DOCK3: variants seen among roughly 807,000 people sequenced by gnomAD.
The protein encoded by DOCK3 is dedicator of cytokinesis protein 3.
In DOCK3, 60 loss-of-function variants were observed where a neutral mutation model predicts 265.6. The ratio of observed to expected loss-of-function variants is 0.23; its 90% confidence interval spans 0.18 to 0.28. The LOEUF is 0.28. Ranked by LOEUF, DOCK3 falls within the 10% of genes least tolerant of loss-of-function variation. DOCK3 has a pLI of 1.00. For synonymous variants in DOCK3, 881 were observed against 938.0 expected (o/e 0.94, Z 1.11); for missense variants, 1,981 against 2,594.3 (o/e 0.76, Z 5.14).
intron 27 of DOCK3, among the ~76,000 whole-genome samples, chr3:51,292,498 G>A (rs2081840570): frequency 6.6e-6 from 1 of 152,114 alleles, no homozygotes; most frequent in Non-Finnish European, 1.5e-5. Context: ...CAAGCCAGGT[G>A]TGGTGGCTCA....
chr3:51,048,584 C>T (rs185245731), intron 5 of DOCK3, among the ~76,000 whole-genome samples: 45 of 152,222 alleles, frequency 3.0e-4, no homozygotes, highest in Admixed American at 1.6e-3. Flanking sequence ...ATGCAGGAAA[C>T]GAAGTTTGTT....
intron 12 of DOCK3, among the ~76,000 whole-genome samples, chr3:51,164,717 A>G (rs2086301815): frequency 2.0e-5 from 3 of 152,018 alleles, no homozygotes; most frequent in Admixed American, 1.3e-4. Context: ...TACACCTACT[A>G]TGTACCCACA....
At chr3:51,006,876 T>C (rs1024184055) in intron 5 of DOCK3, among the ~76,000 whole-genome samples, 2 of 152,192 alleles carry the variant, frequency 1.3e-5, no homozygotes, top group Admixed American at 1.3e-4. Context: ...ATGCGGTATT[T>C]GGTTTTCTGT....
At chr3:50,904,302 G>A (rs1255924521) in intron 4 of DOCK3, among the ~76,000 whole-genome samples, 1 of 152,160 alleles carries the variant, frequency 6.6e-6, no homozygotes, top group Non-Finnish European at 1.5e-5. Flanking sequence ...TGGGTCAGAT[G>A]GTATTTCTAG....
intron 11 of DOCK3, 95 bp downstream of exon 11, chr3:51,159,399 C>T (rs1238046099): frequency 2.6e-6 from 3 of 1,155,110 alleles, no homozygotes; most frequent in East Asian, 2.4e-5. Context: ...CTAGATCTTA[C>T]CTGTAATTTC....
At chr3:51,198,946 T>C (rs1296112942) in intron 12 of DOCK3, among the ~76,000 whole-genome samples, 1 of 151,998 alleles carries the variant, frequency 6.6e-6, no homozygotes, top group Non-Finnish European at 1.5e-5. Context: ...TGAGAATCGC[T>C]TGAAACCAGG....
intron 27 of DOCK3, among the ~76,000 whole-genome samples, chr3:51,303,446 G>T (rs191257295): frequency 3.0e-4 from 46 of 152,264 alleles, no homozygotes; most frequent in African/African-American, 1.1e-3. Context: ...CCAGTTCTTT[G>T]CCCTTGCTGG....
intron 23 of DOCK3, among the ~76,000 whole-genome samples, chr3:51,266,043 CAG>C (rs766368052): frequency 1.3e-5 from 2 of 152,266 alleles, no homozygotes; most frequent in South Asian, 4.1e-4. Flanking sequence ...AATAGACAAA[CAG>C]AGAGCCAAAT....
At chr3:51,164,467 A>C (rs2086284058) in intron 12 of DOCK3, among the ~76,000 whole-genome samples, 1 of 151,988 alleles carries the variant, frequency 6.6e-6, no homozygotes, top group South Asian at 2.1e-4. Context: ...GTAAAAATAC[A>C]AAAAAATTAG....
chr3:50,923,356 A>G (rs1323852509), intron 4 of DOCK3, among the ~76,000 whole-genome samples: 1 of 152,134 alleles, frequency 6.6e-6, no homozygotes, highest in Non-Finnish European at 1.5e-5. Context: ...TATTTTCCAT[A>G]GTGGTTTTTA....
intron 9 of DOCK3, among the ~76,000 whole-genome samples, chr3:51,103,014 C>T (rs1192099100): frequency 6.6e-6 from 1 of 152,072 alleles, no homozygotes; most frequent in Non-Finnish European, 1.5e-5. Context: ...ACTACTATTC[C>T]CCTCCCACTG....
chr3:50,679,822 A>G (rs1451380166), intron 1 of DOCK3, among the ~76,000 whole-genome samples: 2 of 152,196 alleles, frequency 1.3e-5, no homozygotes, highest in South Asian at 4.1e-4. Flanking sequence ...TAGACCTATG[A>G]CTTTATTTTG....
intron 37 of DOCK3, among the ~76,000 whole-genome samples, chr3:51,339,812 G>T (rs2085118668): frequency 6.6e-6 from 1 of 152,160 alleles, no homozygotes; most frequent in African/African-American, 2.4e-5. Flanking sequence ...TAGGCGATAG[G>T]ACTTGAATTT....
At chr3:51,208,978 C>A in intron 13 of DOCK3, 116 bp downstream of exon 13, 1 of 848,476 alleles carries the variant, frequency 1.2e-6, no homozygotes, top group Non-Finnish European at 1.8e-6. Context: ...ATTTATTCTC[C>A]TGCCGAGGCA....
intron 1 of DOCK3, among the ~76,000 whole-genome samples, chr3:50,693,949 A>T: frequency 6.6e-6 from 1 of 152,136 alleles, no homozygotes; most frequent in Non-Finnish European, 1.5e-5. Flanking sequence ...AATAGGCCTT[A>T]AACAAATACT....
intron 10 of DOCK3, among the ~76,000 whole-genome samples, chr3:51,153,753 G>C (rs2085721321): frequency 6.6e-6 from 1 of 152,186 alleles, no homozygotes; most frequent in African/African-American, 2.4e-5. Flanking sequence ...CTGCTGATTG[G>C]AAAATACCAA....
At chr3:50,680,982 C>G (rs2034367751) in intron 1 of DOCK3, among the ~76,000 whole-genome samples, 2 of 152,008 alleles carry the variant, frequency 1.3e-5, no homozygotes, top group Admixed American at 1.3e-4. Context: ...CCCCATTTGT[C>G]TATTTTTGTT....
chr3:51,257,889 A>G (rs1171975352), intron 22 of DOCK3, among the ~76,000 whole-genome samples: 1 of 152,198 alleles, frequency 6.6e-6, no homozygotes, highest in African/African-American at 2.4e-5. Flanking sequence ...AGAGGTGGCC[A>G]GCATCACCTG....
chr3:50,926,899 A>G (rs183333130), intron 4 of DOCK3, among the ~76,000 whole-genome samples: 2 of 152,350 alleles, frequency 1.3e-5, no homozygotes, highest in East Asian at 1.9e-4. Flanking sequence ...CTTGCAGTTT[A>G]TAGTGCAACA....
Sources: gnomAD v4.1 joint callset for allele counts (sites outside exome capture counted in the v4.1 genomes callset) on GRCh38, gnomAD v4.1.1 for gene constraint, MANE v1.5 for transcripts, NCBI Gene and HGNC (gene_info 2026-07-23, HGNC 2026-07-21) for gene names.